The following MDGA2 variants were observed in gnomAD, a reference collection of about 807,000 sequenced individuals.
The protein encoded by MDGA2 is MAM domain-containing glycosylphosphatidylinositol anchor protein 2.
MDGA2 carries 40 observed loss-of-function variants against 117.8 expected under a neutral mutation model. That is an observed-to-expected ratio of 0.34 (90% CI 0.26 to 0.44). The LOEUF is 0.44. Among genes scored for constraint, MDGA2 ranks in the 20% least tolerant of loss-of-function variants. The pLI, the probability that MDGA2 is intolerant of heterozygous loss-of-function variation, is 1.00. For synonymous variants in MDGA2, 452 were observed against 439.0 expected (o/e 1.03, Z -0.37); for missense variants, 1,123 against 1,250.6 (o/e 0.90, Z 1.54).
chr14:46,936,649 A>C (rs994986562), intron 9 of MDGA2, among the ~76,000 whole-genome samples: 7 of 152,088 alleles, frequency 4.6e-5, no homozygotes, highest in Non-Finnish European at 2.9e-5. Flanking sequence ...CAAATATCAC[A>C]TCAACAGGAT....
At chr14:47,089,704 C>T (rs973419455) in intron 6 of MDGA2, among the ~76,000 whole-genome samples, 1 of 151,976 alleles carries the variant, frequency 6.6e-6, no homozygotes, top group Non-Finnish European at 1.5e-5. Context: ...TACTATGCAG[C>T]CATAAAAAAG....
intron 1 of MDGA2, among the ~76,000 whole-genome samples, chr14:47,358,343 G>A (rs1010217663): frequency 6.6e-6 from 1 of 152,088 alleles, no homozygotes; most frequent in Admixed American, 6.5e-5. Flanking sequence ...CTCTGTACTT[G>A]TTAAAAGTAA....
intron 2 of MDGA2, among the ~76,000 whole-genome samples, chr14:47,280,212 G>A (rs1888433079): frequency 1.3e-5 from 2 of 149,172 alleles, no homozygotes; most frequent in South Asian, 2.1e-4. Context: ...TACTCGGGAC[G>A]CTGAGGCAGG....
chr14:47,248,567 T>G (rs1594752138), intron 2 of MDGA2, among the ~76,000 whole-genome samples: 1 of 146,562 alleles, frequency 6.8e-6, no homozygotes, highest in African/African-American at 2.4e-5. Context: ...ACTTATACGG[T>G]TTTATAGTAA....
chr14:47,489,798 T>C lies in MDGA2; in HGVS notation c.280+184719A>G, dbSNP rs115631281. On this transcript the variant is annotated intron_variant, in intron 1 of 16. Transcript: ENST00000399232. ...GCACTTGGTTCTCTTCACAGTTTAT[T>C]ACATTTCAATATATCTTCAGTTCAC... Among the ~76,000 whole-genome samples the C allele has an allele frequency of 3.9e-3, 595 of 152,142 alleles. 6 individuals carry two copies. The highest frequency in any genetic ancestry group is 0.014 in the African/African-American group (570 of 41,544).
At chr14:47,269,807 G>A (rs1222122736) in intron 2 of MDGA2, among the ~76,000 whole-genome samples, 2 of 152,068 alleles carry the variant, frequency 1.3e-5, no homozygotes, top group Non-Finnish European at 1.5e-5. Context: ...ATCTATGTAG[G>A]CACCTTTGAG....
chr14:46,995,251 A>T (rs565342467), intron 8 of MDGA2, among the ~76,000 whole-genome samples: 7 of 152,120 alleles, frequency 4.6e-5, no homozygotes, highest in African/African-American at 1.7e-4. Flanking sequence ...ATTAGAACCA[A>T]TTAGGGAGTT....
At chr14:47,024,816 T>A (rs1342198060) in intron 8 of MDGA2, among the ~76,000 whole-genome samples, 3 of 152,168 alleles carry the variant, frequency 2.0e-5, no homozygotes, top group African/African-American at 7.2e-5. Flanking sequence ...TCAGTTTAAG[T>A]CCTGAGGTGT....
Position 47,414,129 on chromosome 14 carries a change from G to A in MDGA2, c.281-112579C>T, listed in dbSNP as rs186953519. On this transcript the variant is annotated intron_variant, in intron 1 of 16. Transcript: ENST00000399232. ...ACATATGAAGTCCTAGTGAGATACAGTGGAAAAACTCTGCTGTGAAATTGA... is the reference window on the plus strand; with the variant it reads ...ACATATGAAGTCCTAGTGAGATACAATGGAAAAACTCTGCTGTGAAATTGA... Among the ~76,000 whole-genome samples the A allele has an allele frequency of 4.1e-3, 624 of 152,258 alleles. 5 individuals carry two copies. Among genetic ancestry groups the A allele is most frequent in the African/African-American group, 0.014 (594 of 41,570 alleles).
chr14:47,295,625 C>T (rs560391880), intron 2 of MDGA2, among the ~76,000 whole-genome samples: 2 of 152,078 alleles, frequency 1.3e-5, no homozygotes, highest in East Asian at 1.9e-4. Flanking sequence ...TATTATAGGC[C>T]GGGCGCAGTG....
At chr14:47,355,695 GA>G in intron 1 of MDGA2, among the ~76,000 whole-genome samples, 1 of 152,098 alleles carries the variant, frequency 6.6e-6, no homozygotes, top group African/African-American at 2.4e-5. Flanking sequence ...AGAGGACAGA[GA>G]GAGGACGGCT....
intron 1 of MDGA2, among the ~76,000 whole-genome samples, chr14:47,320,241 G>C (rs960211053): frequency 4.1e-4 from 63 of 152,130 alleles, no homozygotes; most frequent in African/African-American, 1.4e-3. Flanking sequence ...TTGTGGCTGG[G>C]TGTGGTGACT....
chr14:47,190,202 T>C (rs1468333369), intron 3 of MDGA2, among the ~76,000 whole-genome samples: 1 of 152,196 alleles, frequency 6.6e-6, no homozygotes, highest in African/African-American at 2.4e-5. Context: ...CATGGCCACT[T>C]TGCTGATTTA....
At chr14:47,183,585 A>G (rs1246415059) in intron 3 of MDGA2, among the ~76,000 whole-genome samples, 2 of 152,136 alleles carry the variant, frequency 1.3e-5, no homozygotes, top group Non-Finnish European at 2.9e-5. Context: ...AGCATCTTAA[A>G]TAAGCAACAG....
intron 1 of MDGA2, among the ~76,000 whole-genome samples, chr14:47,312,677 G>GTTTTTTTTTTTTTT (rs202227321): frequency 1.6e-5 from 2 of 126,744 alleles, no homozygotes; most frequent in African/African-American, 5.9e-5. Flanking sequence ...CTAGTTTTTA[G>GTTTTTTTTTTTTTT]TTTTTTTTTT....
chr14:46,916,846 G>GA (rs1038776276), intron 10 of MDGA2, among the ~76,000 whole-genome samples: 1 of 151,476 alleles, frequency 6.6e-6, no homozygotes, highest in African/African-American at 2.4e-5. Context: ...AAGCACCCTA[G>GA]AAAAAAACGC....
At chr14:47,055,592 G>A (rs1594573163) in intron 7 of MDGA2, among the ~76,000 whole-genome samples, 2 of 152,020 alleles carry the variant, frequency 1.3e-5, no homozygotes, top group Non-Finnish European at 1.5e-5. Flanking sequence ...GACAAGTAAC[G>A]GTTACATGTG....
chr14:47,637,121 G>A (rs186381110), intron 1 of MDGA2, among the ~76,000 whole-genome samples: 14 of 152,106 alleles, frequency 9.2e-5, no homozygotes, highest in Non-Finnish European at 1.5e-4. Context: ...TATGAGACCC[G>A]CTATTTTATC....
At chr14:47,430,762 A>T (rs892669603) in intron 1 of MDGA2, among the ~76,000 whole-genome samples, 2 of 152,104 alleles carry the variant, frequency 1.3e-5, no homozygotes, top group Non-Finnish European at 2.9e-5. Context: ...ATGGCATCTC[A>T]TTCATTTAAA....
Sources: allele counts gnomAD v4.1 joint callset (sites outside exome capture counted in the v4.1 genomes callset), GRCh38; gene constraint gnomAD v4.1.1; transcripts MANE v1.5; gene names NCBI Gene and HGNC (gene_info 2026-07-23, HGNC 2026-07-21).